The following BBS9 variants were observed in gnomAD, a reference collection of about 807,000 sequenced individuals.
BBS9 encodes the protein Bardet-Biedl syndrome 9, also known as protein PTHB1.
BBS9 carries 89 observed loss-of-function variants against 117.7 expected under a neutral mutation model. The observed-to-expected ratio is 0.76, with a 90% CI of 0.64 to 0.90. The LOEUF (loss-of-function observed/expected upper bound fraction) is 0.90, where lower values mean the gene tolerates loss of function less well. BBS9 is among the 40% of genes least tolerant of loss of function. The probability of loss-of-function intolerance (pLI) is 0.00; values close to 1 mark genes in which losing one functional copy is unlikely to be tolerated. For synonymous variants in BBS9, 379 were observed against 370.9 expected (o/e 1.02, Z -0.25); for missense variants, 982 against 1,042.2 (o/e 0.94, Z 0.80).
chr7:33,168,730 A>G (rs1428910540), intron 4 of BBS9, among the ~76,000 whole-genome samples: 2 of 152,028 alleles, frequency 1.3e-5, no homozygotes, highest in Admixed American at 6.6e-5. Context: ...CCTATAAGAA[A>G]CCTCAAACCA....
chr7:33,625,809 T>C (rs1489567551), intron 21 of BBS9, among the ~76,000 whole-genome samples: 1 of 152,216 alleles, frequency 6.6e-6, no homozygotes, highest in African/African-American at 2.4e-5. Flanking sequence ...AGTTAAGGAT[T>C]AGCAGTTGTT....
intron 21 of BBS9, among the ~76,000 whole-genome samples, chr7:33,546,208 C>T (rs1853343105): frequency 1.3e-5 from 2 of 152,074 alleles, no homozygotes; most frequent in African/African-American, 4.8e-5. Context: ...GCTGGGATTA[C>T]AGGGGTGAGC....
At chr7:33,515,386 G>A (rs549943454) in intron 20 of BBS9, among the ~76,000 whole-genome samples, 1 of 152,164 alleles carries the variant, frequency 6.6e-6, no homozygotes, top group South Asian at 2.1e-4. Context: ...ATGTAGCATT[G>A]TCCCTCCCGT....
At chr7:33,609,899 C>A (rs573328490), downstream of BBS9, among the ~76,000 whole-genome samples, 233 of 152,098 alleles carry the variant, frequency 1.5e-3, no homozygotes, top group African/African-American at 5.2e-3. Context: ...ATAAATATAT[C>A]CAGTTAGCCC....
intron 19 of BBS9, among the ~76,000 whole-genome samples, chr7:33,439,621 C>T (rs376011952): frequency 8.6e-5 from 13 of 151,522 alleles, no homozygotes; most frequent in African/African-American, 2.9e-4. Context: ...CTCCGTCTCC[C>T]AGGTTCAAGC....
At chr7:33,461,138 G>A (rs894411138) in intron 19 of BBS9, among the ~76,000 whole-genome samples, 2 of 151,860 alleles carry the variant, frequency 1.3e-5, no homozygotes, top group Non-Finnish European at 2.9e-5. Context: ...CTCATTTATT[G>A]ATGGATATTT....
At chr7:33,594,875 T>C (rs1445016778) in intron 21 of BBS9, among the ~76,000 whole-genome samples, 1 of 152,062 alleles carries the variant, frequency 6.6e-6, no homozygotes, top group Non-Finnish European at 1.5e-5. Context: ...GTGAGTGCCT[T>C]TGAAAACCCA....
intron 21 of BBS9, among the ~76,000 whole-genome samples, chr7:33,621,122 A>G (rs1865383754): frequency 1.3e-5 from 2 of 152,324 alleles, no homozygotes; most frequent in Non-Finnish European, 2.9e-5. Flanking sequence ...CTAATGGAAA[A>G]CATAAGGAAA....
At chr7:33,210,980 T>G (rs1449056581) in intron 5 of BBS9, among the ~76,000 whole-genome samples, 1 of 152,210 alleles carries the variant, frequency 6.6e-6, no homozygotes, top group Non-Finnish European at 1.5e-5. Flanking sequence ...TTTATATAAG[T>G]GTAGCTACTC....
chr7:33,388,278 T>A (rs1449031924), intron 19 of BBS9, 134 bp downstream of exon 19: 3 of 1,099,944 alleles, frequency 2.7e-6, no homozygotes, highest in Non-Finnish European at 3.9e-6. Context: ...GTGCACAAGC[T>A]TTAGAGTCAG....
intron 5 of BBS9, among the ~76,000 whole-genome samples, chr7:33,232,352 C>T (rs924975370): frequency 1.3e-5 from 2 of 151,934 alleles, no homozygotes; most frequent in Admixed American, 6.6e-5. Flanking sequence ...AAATTAAAAT[C>T]ACCTTTAATA....
chr7:33,161,950 C>T (rs572848690), intron 4 of BBS9, among the ~76,000 whole-genome samples: 2 of 152,192 alleles, frequency 1.3e-5, no homozygotes, highest in East Asian at 3.9e-4. Flanking sequence ...TATCCTTTGC[C>T]CACTTGTTGA....
rs751112173 is a variant in BBS9, at chr7:33,273,024, C to T, written c.715C>T (p.Leu239=). The change falls in exon 8 of 23, where the codon CTA becomes TTA. Residue 239 remains leucine (L), a synonymous_variant. Transcript: ENST00000242067. ...TTTTGCTTTGTAGGTGGATTGGACT[C>T]TAAATATTGGAGAGCAAGCCCTTGA... is the stretch of plus-strand genomic sequence containing the variant. The part of the protein sequence containing the change: ...SGKRLVVDWT[L]NIGEQALDIC... The T allele has an allele frequency of 2.9e-5, 47 of 1,613,448 alleles. No homozygotes were observed. The highest frequency in any genetic ancestry group is 3.7e-5 in the Non-Finnish European group (44 of 1,179,746).
intron 1 of BBS9, among the ~76,000 whole-genome samples, chr7:33,135,895 T>C (rs1790381558): frequency 6.6e-6 from 1 of 152,130 alleles, no homozygotes; most frequent in African/African-American, 2.4e-5. Flanking sequence ...GTTTTACACT[T>C]CTTTTGTTAA....
chr7:33,494,821 T>G (rs545858609), intron 19 of BBS9, among the ~76,000 whole-genome samples: 1 of 152,316 alleles, frequency 6.6e-6, no homozygotes, highest in East Asian at 1.9e-4. Context: ...ATGCATAACA[T>G]ATCTTCACCA....
At chr7:33,312,751 T>C (rs1210421723) in intron 9 of BBS9, among the ~76,000 whole-genome samples, 1 of 152,226 alleles carries the variant, frequency 6.6e-6, no homozygotes, top group Non-Finnish European at 1.5e-5. Flanking sequence ...CAAATTATAC[T>C]TGTTCTTCTG....
At chr7:33,268,463 G>C (rs897964263) in intron 7 of BBS9, among the ~76,000 whole-genome samples, 1 of 152,150 alleles carries the variant, frequency 6.6e-6, no homozygotes, top group Non-Finnish European at 1.5e-5. Flanking sequence ...TTCAAGGCTG[G>C]AGCAATCATG....
chr7:33,281,838 A>T (rs891942505), intron 9 of BBS9, among the ~76,000 whole-genome samples: 4 of 151,800 alleles, frequency 2.6e-5, no homozygotes, highest in African/African-American at 7.3e-5. Flanking sequence ...TTTTTGTGAC[A>T]GGGTCTTGCT....
intron 21 of BBS9, among the ~76,000 whole-genome samples, chr7:33,624,553 G>A (rs1865553292): frequency 6.6e-6 from 1 of 152,064 alleles, no homozygotes. Flanking sequence ...CCACCAGCTT[G>A]GCATAAAGTA....
Sources: gnomAD v4.1 joint callset for allele counts (sites outside exome capture counted in the v4.1 genomes callset) on GRCh38, gnomAD v4.1.1 for gene constraint, MANE v1.5 for transcripts, NCBI Gene and HGNC (gene_info 2026-07-23, HGNC 2026-07-21) for gene names.